The following PDE1C variants were observed in gnomAD, a reference collection of about 807,000 sequenced individuals.
PDE1C encodes the protein phosphodiesterase 1C, also known as dual specificity calcium/calmodulin-dependent 3',5'-cyclic nucleotide phosphodiesterase 1C.
In PDE1C, 62 loss-of-function variants were observed where a neutral mutation model predicts 93.1. The ratio of observed to expected loss-of-function variants is 0.67; its 90% confidence interval spans 0.54 to 0.82. The LOEUF is 0.82. PDE1C is among the 40% of genes least tolerant of loss of function. The pLI, the probability that PDE1C is intolerant of heterozygous loss-of-function variation, is 0.00. For missense variants in PDE1C, 742 were observed against 884.6 expected (o/e 0.84, Z 2.04); for synonymous variants, 325 against 310.1 (o/e 1.05, Z -0.50).
At chr7:32,389,642 C>A (rs1351953140) in intron 1 of PDE1C, among the ~76,000 whole-genome samples, 1 of 152,196 alleles carries the variant, frequency 6.6e-6, no homozygotes, top group Non-Finnish European at 1.5e-5. Flanking sequence ...GACCTGGCCG[C>A]TTCATGTGGC....
intron 2 of PDE1C, among the ~76,000 whole-genome samples, chr7:32,019,150 TAAA>T (rs75146295): frequency 5.0e-5 from 6 of 118,832 alleles, no homozygotes; most frequent in Admixed American, 2.7e-4. Context: ...TATGTTGTTT[TAAA>T]AAAAAAAAAA....
At chr7:32,172,362 C>T (rs981358084) in intron 2 of PDE1C, among the ~76,000 whole-genome samples, 8 of 152,000 alleles carry the variant, frequency 5.3e-5, no homozygotes, top group Non-Finnish European at 1.2e-4. Flanking sequence ...ACAAACAACA[C>T]CATCAAAAAA....
intron 2 of PDE1C, among the ~76,000 whole-genome samples, chr7:31,972,987 A>G (rs548407832): frequency 4.8e-4 from 73 of 152,326 alleles, no homozygotes; most frequent in Middle Eastern, 3.4e-3. Flanking sequence ...AGCACTGGGC[A>G]GCCCAAGCCA....
chr7:31,642,106 G>C, the PDE1C span: 1 of 1,063,860 alleles, frequency 9.4e-7, no homozygotes, highest in South Asian at 1.5e-5. Context: ...GGCACCTAGA[G>C]GGGTTGATCC....
chr7:32,283,252 TG>T (rs1356480177), intron 1 of PDE1C, among the ~76,000 whole-genome samples: 1 of 152,220 alleles, frequency 6.6e-6, no homozygotes, highest in African/African-American at 2.4e-5. Context: ...AATTATACAT[TG>T]TTAGATGGGA....
chr7:32,295,269 G>A (rs1186132810), intron 1 of PDE1C, among the ~76,000 whole-genome samples: 1 of 152,166 alleles, frequency 6.6e-6, no homozygotes, highest in African/African-American at 2.4e-5. Context: ...GGCTAGTACC[G>A]AGGCTCCAGC....
chr7:31,747,052 G>A (rs78865297), downstream of PDE1C, among the ~76,000 whole-genome samples: 1,280 of 152,262 alleles, frequency 8.4e-3, 6 homozygotes, highest in Non-Finnish European at 0.014. Context: ...GAGGGAGAGG[G>A]AAACTCACAA....
chr7:32,207,900 C>T (rs1049001290), intron 2 of PDE1C, among the ~76,000 whole-genome samples: 22 of 152,230 alleles, frequency 1.4e-4, no homozygotes, highest in Admixed American at 2.0e-4. Context: ...GGGGAAGGGG[C>T]ACCCAGCACA....
At chr7:31,775,970 C>A (rs750337759) in intron 16 of PDE1C, among the ~76,000 whole-genome samples, 3 of 152,106 alleles carry the variant, frequency 2.0e-5, no homozygotes, top group Non-Finnish European at 4.4e-5. Context: ...TATGTTGGGA[C>A]CGATGTGCCA....
intron 3 of PDE1C, among the ~76,000 whole-genome samples, chr7:32,102,921 A>G (rs1330082231): frequency 6.6e-6 from 1 of 152,144 alleles, no homozygotes; most frequent in African/African-American, 2.4e-5. Context: ...CAGAATTGTG[A>G]GGCTTCCCCA....
chr7:32,322,438 C>T (rs191163322), intron 1 of PDE1C, among the ~76,000 whole-genome samples: 29 of 152,120 alleles, frequency 1.9e-4, no homozygotes, highest in Admixed American at 1.8e-3. Flanking sequence ...GCCATCTCTA[C>T]ACACGTAAAA....
intron 1 of PDE1C, among the ~76,000 whole-genome samples, chr7:32,376,216 G>A (rs796781015): frequency 1.2e-4 from 18 of 152,098 alleles, no homozygotes; most frequent in East Asian, 3.9e-4. Context: ...ACAGTGGCAC[G>A]TAGTTCTGCT....
At chr7:31,706,920 T>C in the PDE1C span, among the ~76,000 whole-genome samples, 1 of 152,234 alleles carries the variant, frequency 6.6e-6, no homozygotes. Flanking sequence ...CATCCCGCCA[T>C]GCTGCAAGCT....
intron 2 of PDE1C, among the ~76,000 whole-genome samples, chr7:32,172,033 T>G (rs1802686901): frequency 6.6e-6 from 1 of 151,566 alleles, no homozygotes; most frequent in African/African-American, 2.4e-5. Context: ...AAAATAAAAT[T>G]CATAAAAATA....
At chr7:32,390,089 A>G (rs551935821) in intron 1 of PDE1C, among the ~76,000 whole-genome samples, 4 of 152,252 alleles carry the variant, frequency 2.6e-5, no homozygotes, top group African/African-American at 9.6e-5. Context: ...CTATAAATAT[A>G]TTTTTCCCCT....
At chr7:32,320,929 T>G (rs1200437006) in intron 1 of PDE1C, among the ~76,000 whole-genome samples, 2 of 152,218 alleles carry the variant, frequency 1.3e-5, no homozygotes, top group East Asian at 3.9e-4. Flanking sequence ...AGGAGTAAAG[T>G]GAGACTCAAA....
At chr7:31,692,057 T>C in the PDE1C span, among the ~76,000 whole-genome samples, 4 of 152,138 alleles carry the variant, frequency 2.6e-5, no homozygotes, top group African/African-American at 9.7e-5. Flanking sequence ...ATAGGCAAGG[T>C]TTAAGCATGA....
chr7:32,070,972 C>G, upstream of PDE1C: 1 of 985,472 alleles, frequency 1.0e-6, no homozygotes, highest in Non-Finnish European at 1.2e-6. Flanking sequence ...TGTTTTCTCT[C>G]ACTTACCAGC....
At chr7:32,332,205 TA>T (rs1057120253) in intron 1 of PDE1C, among the ~76,000 whole-genome samples, 6 of 151,238 alleles carry the variant, frequency 4.0e-5, no homozygotes, top group Non-Finnish European at 8.9e-5. Context: ...GACAACCCAA[TA>T]AAAAATGAAC....
Sources: gnomAD v4.1 joint callset for allele counts (sites outside exome capture counted in the v4.1 genomes callset) on GRCh38, gnomAD v4.1.1 for gene constraint, MANE v1.5 for transcripts, NCBI Gene and HGNC (gene_info 2026-07-23, HGNC 2026-07-21) for gene names.